Variants in DCC observed in about 807,000 individuals in gnomAD.
DCC encodes the protein DCC netrin 1 receptor.
Under a neutral mutation model 172.5 loss-of-function variants are expected in DCC, and 58 were observed. That is an observed-to-expected ratio of 0.34 (90% CI 0.27 to 0.42). The LOEUF is 0.42. Among genes scored for constraint, DCC ranks in the 10% least tolerant of loss-of-function variants. The probability of loss-of-function intolerance (pLI) is 1.00; values close to 1 mark genes in which losing one functional copy is unlikely to be tolerated. For synonymous variants in DCC, 709 were observed against 644.5 expected, an observed-to-expected ratio of 1.10 and a Z score of -1.52; for missense variants, 1,740 against 1,791.0, an observed-to-expected ratio of 0.97 and a Z score of 0.51.
chr18:53,091,863 A>ATCTATCTATCAATCTATC, intron 7 of DCC, among the ~76,000 whole-genome samples: 1 of 113,928 alleles, frequency 8.8e-6, no homozygotes, highest in Non-Finnish European at 1.8e-5. Flanking sequence ...ATCTATCTAT[A>ATCTATCTATCAATCTATC]TATATATATA....
chr18:52,464,800 A>G (rs1224071823), intron 1 of DCC, among the ~76,000 whole-genome samples: 1 of 151,270 alleles, frequency 6.6e-6, no homozygotes, highest in African/African-American at 2.4e-5. Context: ...TTATACTTAC[A>G]TTTGCCATGT....
intron 2 of DCC, among the ~76,000 whole-genome samples, chr18:52,786,506 C>G (rs1360541818): frequency 6.6e-6 from 1 of 152,136 alleles, no homozygotes; most frequent in South Asian, 2.1e-4. Context: ...GTAGAAAAAA[C>G]TTTAACCTTA....
chr18:53,396,351 C>T (rs1286472467), intron 17 of DCC, among the ~76,000 whole-genome samples: 1 of 152,150 alleles, frequency 6.6e-6, no homozygotes, highest in Admixed American at 6.5e-5. Context: ...TTAAACCTTG[C>T]ATCATGTTTT....
At chr18:52,358,789 T>C (rs1333232931) in intron 1 of DCC, among the ~76,000 whole-genome samples, 1 of 152,184 alleles carries the variant, frequency 6.6e-6, no homozygotes, top group Non-Finnish European at 1.5e-5. Flanking sequence ...CTGGTATGCT[T>C]GCTGGCTTTC....
intron 5 of DCC, among the ~76,000 whole-genome samples, chr18:52,963,221 A>T (rs1009861101): frequency 3.3e-5 from 5 of 151,940 alleles, no homozygotes; most frequent in Admixed American, 6.6e-5. Flanking sequence ...AGATTTTTTT[A>T]AAAATTTTTA....
intron 9 of DCC, among the ~76,000 whole-genome samples, chr18:53,189,858 T>A (rs2055339618): frequency 6.6e-6 from 1 of 152,214 alleles, no homozygotes; most frequent in Admixed American, 6.5e-5. Context: ...TTTCTACTGT[T>A]TGACCTTCAG....
At chr18:52,525,755 C>T (rs2031963088) in intron 1 of DCC, among the ~76,000 whole-genome samples, 1 of 152,136 alleles carries the variant, frequency 6.6e-6, no homozygotes, top group Admixed American at 6.5e-5. Context: ...CAGATCTTAA[C>T]TCTCCTACTA....
chr18:53,511,604 C>T (rs973414659), intron 27 of DCC, among the ~76,000 whole-genome samples: 14 of 152,184 alleles, frequency 9.2e-5, no homozygotes, highest in Admixed American at 2.0e-4. Context: ...TGGGTGCGCA[C>T]ACCGTGCGCG....
At chr18:52,703,681 C>A (rs1430986511) in intron 1 of DCC, among the ~76,000 whole-genome samples, 1 of 151,628 alleles carries the variant, frequency 6.6e-6, no homozygotes. Flanking sequence ...CCTCTATTAT[C>A]TTTTTATATT....
chr18:53,214,034 A>G (rs1219591070), intron 11 of DCC, among the ~76,000 whole-genome samples: 1 of 152,046 alleles, frequency 6.6e-6, no homozygotes, highest in Non-Finnish European at 1.5e-5. Context: ...TCTTCCTGAT[A>G]CTGGTGATAC....
At chr18:53,359,289 T>G (rs1422908341) in intron 15 of DCC, among the ~76,000 whole-genome samples, 2 of 152,200 alleles carry the variant, frequency 1.3e-5, no homozygotes, top group African/African-American at 4.8e-5. Context: ...ACAGCCATTT[T>G]GCTGCAGTAC....
chr18:52,997,533 A>G (rs761650761), intron 5 of DCC, among the ~76,000 whole-genome samples: 5 of 152,094 alleles, frequency 3.3e-5, no homozygotes, highest in Non-Finnish European at 7.4e-5. Flanking sequence ...AGTTAGTGTG[A>G]GAACTTGAAG....
At chr18:53,264,790 A>C (rs142998473) in intron 12 of DCC, among the ~76,000 whole-genome samples, 14 of 152,226 alleles carry the variant, frequency 9.2e-5, no homozygotes, top group African/African-American at 2.9e-4. Context: ...GGATGGAAAA[A>C]ATCAGAATGG....
chr18:52,579,632 G>T (rs1221381444), intron 1 of DCC, among the ~76,000 whole-genome samples: 2 of 152,112 alleles, frequency 1.3e-5, no homozygotes, highest in Non-Finnish European at 2.9e-5. Flanking sequence ...AGAAACCAAG[G>T]CTCAAGGTTA....
intron 3 of DCC, among the ~76,000 whole-genome samples, chr18:52,908,788 A>T (rs1395363049): frequency 6.6e-6 from 1 of 152,310 alleles, no homozygotes; most frequent in East Asian, 1.9e-4. Flanking sequence ...TTCTTAGCTG[A>T]ATTGAAACTG....
chr18:52,712,091 G>T (rs1568057515), intron 1 of DCC, among the ~76,000 whole-genome samples: 1 of 152,030 alleles, frequency 6.6e-6, no homozygotes, highest in African/African-American at 2.4e-5. Flanking sequence ...CTCCTGAGTA[G>T]CTGGGACTAC....
intron 2 of DCC, chr18:52,818,077 T>C (rs2038335985): frequency 6.6e-6 from 1 of 152,148 alleles, no homozygotes; most frequent in South Asian, 2.1e-4. Flanking sequence ...AGAATTCTTA[T>C]TTATGCCTAC....
chr18:52,459,374 C>T (rs538382980), intron 1 of DCC, among the ~76,000 whole-genome samples: 19 of 152,188 alleles, frequency 1.2e-4, no homozygotes, highest in South Asian at 2.1e-4. Context: ...AAGTAGGTAC[C>T]GGTGTCTGTT....
chr18:53,066,088 G>A lies in DCC; in HGVS notation c.1183G>A (p.Glu395Lys), dbSNP rs2042562010. 2 of 1,613,442 alleles carry A rather than the reference G, an allele frequency of 1.2e-6. No individual in the cohort carries two copies. The highest frequency in any genetic ancestry group is 1.7e-6 in the Non-Finnish European group (2 of 1,179,614). The change falls in exon 7 of 29, where the codon GAA becomes AAA. Residue 395 changes from glutamate to lysine, a missense_variant. This residue lies in a region of DCC where 1,732 missense variants were observed against 1,767.4 expected (regional missense o/e 0.98). Coordinates refer to ENST00000442544, the MANE Select transcript of DCC (RefSeq NM_005215.4). ...GATACTTGGGGTGGTGAAGTCAGAT[G>A]AAGGCTTTTATCAATGTGTGGCTGA... is the stretch of plus-strand genomic sequence containing the variant. ...LRILGVVKSD[E>K]GFYQCVAENE...
Sources: allele counts gnomAD v4.1 joint callset (sites outside exome capture counted in the v4.1 genomes callset), GRCh38; gene constraint gnomAD v4.1.1; regional missense constraint gnomAD v4.1.1; transcripts MANE v1.5; gene names NCBI Gene and HGNC (gene_info 2026-07-23, HGNC 2026-07-21).